Variants in GUCY1A2 observed in about 807,000 individuals in gnomAD.
The protein encoded by GUCY1A2 is guanylate cyclase 1 soluble subunit alpha 2.
A neutral mutation model predicts 63.5 loss-of-function variants in GUCY1A2; 27 were observed. The observed-to-expected ratio is 0.43, with a 90% confidence interval of 0.31 to 0.59. The LOEUF (loss-of-function observed/expected upper bound fraction) is 0.59. Ranked by LOEUF, GUCY1A2 falls within the 20% of genes least tolerant of loss-of-function variation. The probability of loss-of-function intolerance (pLI) is 0.11; values close to 1 mark genes in which losing one functional copy is unlikely to be tolerated. For missense variants in GUCY1A2, 768 were observed against 913.3 expected (o/e 0.84, Z 2.05); for synonymous variants, 364 against 343.5 (o/e 1.06, Z -0.66).
At chr11:106,894,629 CAGAA>C (rs1355137192) in intron 4 of GUCY1A2, among the ~76,000 whole-genome samples, 7 of 152,174 alleles carry the variant, frequency 4.6e-5, no homozygotes, top group Admixed American at 4.6e-4. Context: ...GAGTCAGTAA[CAGAA>C]AGGTAGCTAA....
At chr11:106,856,014 T>C (rs1859428007) in intron 4 of GUCY1A2, among the ~76,000 whole-genome samples, 1 of 151,588 alleles carries the variant, frequency 6.6e-6, no homozygotes, top group African/African-American at 2.4e-5. Flanking sequence ...CAGCCTCAAC[T>C]TCCTGGGCTC....
At position 106,776,402 on chromosome 11, in the gene GUCY1A2, G is replaced by A. The variant is rs760194943; in HGVS notation, c.1836+37C>T. ...TTATTTGCCTCCTCCAGTTAATGGT[G>A]CACTTACTACTCAAACTAGATTGTT... is the stretch of plus-strand genomic sequence containing the variant. On this transcript the variant is annotated intron_variant, in intron 6 of 7. Coordinates refer to ENST00000526355, the MANE Select transcript of GUCY1A2 (RefSeq NM_000855.3). The A allele has an allele frequency of 4.6e-6, 6 of 1,301,058 alleles. No homozygotes were observed. The East Asian group carries it at 1.0e-4, about 22-fold the overall frequency. The allele number at this position is 1,301,058 out of a possible 1,614,324, so 80.6% of individuals were successfully genotyped here. A position where few individuals can be genotyped will look rare whatever the true frequency, so the allele number is the denominator to read the frequency against.
chr11:106,960,538 G>A (rs1018671298), intron 3 of GUCY1A2, among the ~76,000 whole-genome samples: 1 of 152,162 alleles, frequency 6.6e-6, no homozygotes, highest in African/African-American at 2.4e-5. Flanking sequence ...AGCATCTAGA[G>A]AGCAATAAAT....
Position 106,884,479 on chromosome 11 carries a change from AG to A in GUCY1A2, c.1206+54980del, listed in dbSNP as rs1436986201. On this transcript the variant is annotated intron_variant, in intron 4 of 7. Coordinates refer to ENST00000526355, the MANE Select transcript of GUCY1A2 (RefSeq NM_000855.3). ...TGAGAGAGAGCATGGGAAGAATGCT[AG>A]GAAGTTTGAGAGGTGTACAGAGGAA... Among the ~76,000 whole-genome samples the A allele has an allele frequency of 3.3e-5, 5 of 152,208 alleles. No individual in the cohort carries two copies. In the East Asian group the frequency reaches 5.8e-4, roughly 18 times the overall value.
intron 1 of GUCY1A2, among the ~76,000 whole-genome samples, chr11:107,009,192 G>A (rs1861711065): frequency 6.6e-6 from 1 of 152,106 alleles, no homozygotes; most frequent in South Asian, 2.1e-4. Context: ...AAGCATTAAT[G>A]TTAGTGTCAT....
chr11:106,685,419 G>C lies in GUCY1A2; in HGVS notation c.*2130C>G, dbSNP rs1213539718. 4.6e-6 allele frequency: 1 copy of C among 218,822 alleles called. No homozygotes were observed. Among genetic ancestry groups the C allele is most frequent in the Non-Finnish European group, 9.2e-6 (1 of 109,210 alleles). 13.6% of individuals were successfully genotyped at this position (218,822 alleles called of 1,614,324 possible). A position where few individuals can be genotyped will look rare whatever the true frequency, so the allele number is the denominator to read the frequency against. On this transcript the variant is annotated 3_prime_UTR_variant, in exon 8 of 8. Coordinates refer to ENST00000526355, the MANE Select transcript of GUCY1A2 (RefSeq NM_000855.3). ...TAATAAATATGTGTTTAGAGTAGTT[G>C]CTTAGACAAATCTTTATAAAAAGTG...
At chr11:106,932,011 T>G (rs1860609453) in intron 4 of GUCY1A2, among the ~76,000 whole-genome samples, 1 of 152,126 alleles carries the variant, frequency 6.6e-6, no homozygotes, top group Non-Finnish European at 1.5e-5. Flanking sequence ...AGACAACACA[T>G]TGAAAACATG....
At chr11:106,713,221 TG>T (rs1317250993) in intron 6 of GUCY1A2, among the ~76,000 whole-genome samples, 1 of 152,198 alleles carries the variant, frequency 6.6e-6, no homozygotes, top group East Asian at 1.9e-4. Flanking sequence ...TCATGAAAAC[TG>T]TTCTTTTGTA....
At chr11:106,745,812 T>G (rs1445019181) in intron 6 of GUCY1A2, among the ~76,000 whole-genome samples, 1 of 152,224 alleles carries the variant, frequency 6.6e-6, no homozygotes, top group African/African-American at 2.4e-5. Context: ...AAACATTTCT[T>G]AAATCCTACT....
chr11:106,845,303 T>C (rs1191344514), intron 4 of GUCY1A2, among the ~76,000 whole-genome samples: 1 of 151,592 alleles, frequency 6.6e-6, no homozygotes. Flanking sequence ...AATGCTCCAT[T>C]TTCCAATAAT....
intron 1 of GUCY1A2, among the ~76,000 whole-genome samples, chr11:107,002,286 A>G (rs917440123): frequency 1.5e-4 from 23 of 152,154 alleles, no homozygotes; most frequent in Middle Eastern, 3.4e-3. Flanking sequence ...TAATACCTCG[A>G]GAGTTCCCTC....
At chr11:106,791,727 G>T (rs1015103289) in intron 5 of GUCY1A2, among the ~76,000 whole-genome samples, 1 of 152,038 alleles carries the variant, frequency 6.6e-6, no homozygotes, top group African/African-American at 2.4e-5. Flanking sequence ...AGTCAAATTT[G>T]TCACATGCTT....
intron 7 of GUCY1A2, among the ~76,000 whole-genome samples, chr11:106,704,887 G>GAT (rs1320025155): frequency 3.3e-5 from 5 of 149,878 alleles, no homozygotes; most frequent in South Asian, 4.2e-4. Context: ...TAGTATATAT[G>GAT]ATATATATAT....
In GUCY1A2 at chr11:106,684,044, T is replaced by C; in HGVS notation, c.*3505A>G. The C allele has an allele frequency of 5.3e-6, 1 of 189,932 alleles. No individual in the cohort carries two copies. The highest frequency in any genetic ancestry group is 1.1e-5 in the Non-Finnish European group (1 of 90,344). 11.8% of individuals were successfully genotyped at this position (189,932 alleles called of 1,614,324 possible). A position where few individuals can be genotyped will look rare whatever the true frequency, so the allele number is the denominator to read the frequency against. ...TCTTGCTCCCCTTGTGAATGAGATT[T>C]TGTTTAAGTTGTTATTATCCTCTTT... On this transcript the variant is annotated 3_prime_UTR_variant, in exon 8 of 8. Transcript: ENST00000526355.
rs554700641 is a variant in GUCY1A2, at chr11:106,927,629, A to C, written c.1206+11831T>G. On this transcript the variant is annotated intron_variant, in intron 4 of 7. Coordinates refer to ENST00000526355, the MANE Select transcript of GUCY1A2 (RefSeq NM_000855.3). Reference sequence around the variant, plus strand: ...ACCCAGGCTGGAGTGCAGTGGTGCCATCTCGGCTCACTGCAAGCTCCACCT... The same window carrying C: ...ACCCAGGCTGGAGTGCAGTGGTGCCCTCTCGGCTCACTGCAAGCTCCACCT... Among the ~76,000 whole-genome samples the C allele has an allele frequency of 4.6e-5, 7 of 151,290 alleles. No homozygotes were observed. In the East Asian group the frequency reaches 1.4e-3, roughly 30 times the overall value.
At chr11:106,842,760 C>T (rs1239814326) in intron 4 of GUCY1A2, among the ~76,000 whole-genome samples, 1 of 151,832 alleles carries the variant, frequency 6.6e-6, no homozygotes, top group East Asian at 1.9e-4. Context: ...GTGGAAGGGG[C>T]CTGTTAGAAT....
chr11:106,810,527 T>C, intron 4 of GUCY1A2, 49 bp from the exon 5 acceptor site: 1 of 1,464,460 alleles, frequency 6.8e-7, no homozygotes, highest in Non-Finnish European at 9.2e-7. Context: ...CATAGTAGGT[T>C]CACAAAATTT....
At chr11:106,823,739 G>A (rs7107834) in intron 4 of GUCY1A2, among the ~76,000 whole-genome samples, 63,236 of 151,730 alleles carry the variant, frequency 0.42, 13,542 homozygotes, top group Admixed American at 0.52. Flanking sequence ...ATTGTTTTTC[G>A]ACTTTTTAAT....
chr11:106,897,553 A>T (rs1322162468), intron 4 of GUCY1A2, among the ~76,000 whole-genome samples: 1 of 152,050 alleles, frequency 6.6e-6, no homozygotes, highest in East Asian at 1.9e-4. Context: ...ACAAATATAT[A>T]TATATAGTAA....
Sources: gnomAD v4.1 joint callset for allele counts (sites outside exome capture counted in the v4.1 genomes callset) on GRCh38, gnomAD v4.1.1 for gene constraint, MANE v1.5 for transcripts, NCBI Gene and HGNC (gene_info 2026-07-23, HGNC 2026-07-21) for gene names.